Variants in ZMAT4 observed in about 807,000 individuals in gnomAD.
ZMAT4 encodes the protein zinc finger matrin-type 4.
Under a neutral mutation model 28.7 loss-of-function variants are expected in ZMAT4, and 17 were observed. The observed-to-expected ratio is 0.59, with a 90% CI of 0.41 to 0.89. ZMAT4 has a LOEUF of 0.89. Among genes scored for constraint, ZMAT4 ranks in the 40% least tolerant of loss-of-function variants. The pLI is 0.00. For synonymous variants in ZMAT4, 117 were observed against 109.2 expected, an observed-to-expected ratio of 1.07 and a Z score of -0.44; for missense variants, 240 against 283.8, an observed-to-expected ratio of 0.85 and a Z score of 1.11.
chr8:40,569,855 A>G (rs1331539640), intron 6 of ZMAT4, among the ~76,000 whole-genome samples: 1 of 152,178 alleles, frequency 6.6e-6, no homozygotes, highest in African/African-American at 2.4e-5. Flanking sequence ...AGCACTGGAG[A>G]AAAAAGATTT....
intron 3 of ZMAT4, among the ~76,000 whole-genome samples, chr8:40,735,776 A>C (rs928068291): frequency 6.6e-6 from 1 of 152,298 alleles, no homozygotes; most frequent in Admixed American, 6.5e-5. Flanking sequence ...AAACAAAGAC[A>C]TATGGACGTT....
chr8:40,887,381 C>T (rs1818494806), intron 1 of ZMAT4, among the ~76,000 whole-genome samples: 2 of 145,772 alleles, frequency 1.4e-5, no homozygotes, highest in African/African-American at 2.6e-5. Context: ...CCCAGCTACT[C>T]GGGAGGCTGA....
intron 1 of ZMAT4, among the ~76,000 whole-genome samples, chr8:40,871,302 C>T (rs574460733): frequency 1.3e-5 from 2 of 152,308 alleles, no homozygotes; most frequent in South Asian, 4.1e-4. Context: ...GACTCCTTTC[C>T]ACTTTTCATT....
At chr8:40,698,053 G>C (rs1809974537) in intron 3 of ZMAT4, among the ~76,000 whole-genome samples, 1 of 152,122 alleles carries the variant, frequency 6.6e-6, no homozygotes, top group Non-Finnish European at 1.5e-5. Context: ...AGCCTCACCA[G>C]GATACATGGC....
intron 1 of ZMAT4, among the ~76,000 whole-genome samples, chr8:40,862,413 A>C (rs1817527056): frequency 3.3e-5 from 3 of 91,836 alleles, no homozygotes; most frequent in Admixed American, 1.6e-4. Flanking sequence ...CACTCTGGGG[A>C]CTGTGGTGGG....
At chr8:40,543,579 G>A (rs115827730) in intron 6 of ZMAT4, among the ~76,000 whole-genome samples, 3 of 152,268 alleles carry the variant, frequency 2.0e-5, no homozygotes, top group Non-Finnish European at 2.9e-5. Context: ...ACTCAGCACC[G>A]TCTAAATCAT....
At chr8:40,564,983 G>T (rs1215995967) in intron 6 of ZMAT4, among the ~76,000 whole-genome samples, 1 of 152,116 alleles carries the variant, frequency 6.6e-6, no homozygotes, top group Non-Finnish European at 1.5e-5. Context: ...TCTTTTATCT[G>T]TACACTGTCT....
intron 4 of ZMAT4, among the ~76,000 whole-genome samples, chr8:40,676,941 C>T (rs1808937357): frequency 6.6e-6 from 1 of 152,136 alleles, no homozygotes; most frequent in Admixed American, 6.6e-5. Flanking sequence ...TCTCTATCCA[C>T]TTTTCTGAAG....
chr8:40,672,214 A>G (rs1318929946), intron 5 of ZMAT4, among the ~76,000 whole-genome samples: 1 of 152,200 alleles, frequency 6.6e-6, no homozygotes, highest in African/African-American at 2.4e-5. Flanking sequence ...GCCTGATACC[A>G]TTTTATTAAA....
At chr8:40,848,159 C>G (rs1816975942) in intron 1 of ZMAT4, among the ~76,000 whole-genome samples, 1 of 152,148 alleles carries the variant, frequency 6.6e-6, no homozygotes, top group South Asian at 2.1e-4. Context: ...AACCCAACAG[C>G]CTAGAGAAAC....
At chr8:40,604,410 C>A (rs1805510149) in intron 5 of ZMAT4, among the ~76,000 whole-genome samples, 1 of 152,112 alleles carries the variant, frequency 6.6e-6, no homozygotes, top group African/African-American at 2.4e-5. Flanking sequence ...GCTGATTTTG[C>A]TGAGGGTTTT....
intron 3 of ZMAT4, among the ~76,000 whole-genome samples, chr8:40,756,248 CTG>C (rs1812671401): frequency 6.6e-6 from 1 of 151,870 alleles, no homozygotes; most frequent in Non-Finnish European, 1.5e-5. Context: ...AGTCCAAAGT[CTG>C]TGTTCCATTC....
At chr8:40,562,778 G>T (rs1172773610) in intron 6 of ZMAT4, among the ~76,000 whole-genome samples, 4 of 152,176 alleles carry the variant, frequency 2.6e-5, no homozygotes, top group African/African-American at 9.6e-5. Flanking sequence ...TAATCAGTTT[G>T]TTCTACACCT....
chr8:40,747,026 C>T lies in ZMAT4; in HGVS notation c.192+20615G>A, dbSNP rs531522184. ...GGACCGTGACCCTTCATCCATAGCA[C>T]TTATGAGAGCTGCCACTTTCAATGG... On this transcript the variant is annotated intron_variant, in intron 3 of 6. Transcript: ENST00000297737. 3.5e-4 allele frequency among the ~76,000 whole-genome samples: 53 copies of T among 152,296 alleles called. No individual in the cohort carries two copies. The South Asian group carries it at 5.0e-3, about 14-fold the overall frequency.
At chr8:40,753,419 A>G (rs1812539881) in intron 3 of ZMAT4, among the ~76,000 whole-genome samples, 1 of 152,154 alleles carries the variant, frequency 6.6e-6, no homozygotes. Flanking sequence ...CTCAAGCATC[A>G]CGTATTCAGG....
At chr8:40,752,504 A>G (rs1238159045) in intron 3 of ZMAT4, among the ~76,000 whole-genome samples, 1 of 152,174 alleles carries the variant, frequency 6.6e-6, no homozygotes, top group Non-Finnish European at 1.5e-5. Flanking sequence ...ACCTGGAGAA[A>G]GGGTTTTTCC....
chr8:40,601,465 A>AAAG (rs1805314928), intron 5 of ZMAT4, among the ~76,000 whole-genome samples: 1 of 43,848 alleles, frequency 2.3e-5, no homozygotes, highest in Non-Finnish European at 4.1e-5. Flanking sequence ...AGGGAGGAAG[A>AAAG]AAGGAAAGAA....
At chr8:40,761,752 A>T (rs1346593695) in intron 3 of ZMAT4, among the ~76,000 whole-genome samples, 1 of 152,210 alleles carries the variant, frequency 6.6e-6, no homozygotes, top group African/African-American at 2.4e-5. Flanking sequence ...ATAGATCAGG[A>T]GATACTCCAC....
At chr8:40,841,016 A>G (rs1241137684) in intron 1 of ZMAT4, among the ~76,000 whole-genome samples, 1 of 152,236 alleles carries the variant, frequency 6.6e-6, no homozygotes, top group African/African-American at 2.4e-5. Context: ...GGAGCCCCAC[A>G]TAATGGAAAC....
Sources: gnomAD v4.1 joint callset for allele counts (sites outside exome capture counted in the v4.1 genomes callset) on GRCh38, gnomAD v4.1.1 for gene constraint, MANE v1.5 for transcripts, NCBI Gene and HGNC (gene_info 2026-07-23, HGNC 2026-07-21) for gene names.